Variants in TRNP1 observed in about 807,000 individuals in gnomAD.
TRNP1 encodes TMF-regulated nuclear protein 1.
A neutral mutation model predicts 12.2 loss-of-function variants in TRNP1; 16 were observed. The observed-to-expected ratio is 1.31, with a 90% CI of 0.89 to 1.99. The LOEUF (loss-of-function observed/expected upper bound fraction) is 1.99. TRNP1 is among the 30% of genes most tolerant of loss of function. TRNP1 has a pLI of 0.00. For synonymous variants in TRNP1, 139 were observed against 166.2 expected (o/e 0.84, Z 1.26); for missense variants, 338 against 330.4 (o/e 1.02, Z -0.18).
chr1:26,997,700 TGAG>T (rs1445206483), intron 1 of TRNP1, among the ~76,000 whole-genome samples: 1 of 151,956 alleles, frequency 6.6e-6, no homozygotes, highest in East Asian at 1.9e-4. Context: ...CAAAGGGAAA[TGAG>T]GGGGGAACAG....
intron 1 of TRNP1, among the ~76,000 whole-genome samples, chr1:26,996,865 C>T (rs1381641357): frequency 6.6e-6 from 1 of 152,028 alleles, no homozygotes. Context: ...TCTGCCCCCT[C>T]CCTCCACTTC....
In TRNP1 at chr1:26,994,984, G is replaced by C. The variant is rs530843883; in HGVS notation, c.*142+372G>C. Among the ~76,000 whole-genome samples, 1 of 152,230 alleles carries C rather than the reference G, an allele frequency of 6.6e-6. No individual in the cohort carries two copies. The highest frequency in any genetic ancestry group is 1.5e-5 in the Non-Finnish European group (1 of 68,038). ...GGATGCTGCTTCCTGGCGCCGCCCA[G>C]CTCCGTGCCTTCGGGAGGACAGAAT... On this transcript the variant is annotated intron_variant, in intron 1 of 1. Coordinates refer to ENST00000522111, the MANE Select transcript of TRNP1 (RefSeq NM_001013642.3). The surrounding 1 kb of genome is among the most constrained non-coding windows in gnomAD (Gnocchi z 6.9).
Position 26,994,351 on chromosome 1 carries a change from C to T in TRNP1, c.565C>T (p.Leu189=). 1 of 1,085,680 alleles carries T rather than the reference C, an allele frequency of 9.2e-7. No homozygotes were observed. 67.3% of individuals were successfully genotyped at this position (1,085,680 alleles called of 1,614,324 possible). ...GRPPALLASA[L]GLGGCVPWGA... Reference sequence around the variant, plus strand: ...ACCCCCCGCGCTGCTGGCCTCGGCGCTGGGCCTGGGCGGCTGCGTGCCCTG... The same window carrying T: ...ACCCCCCGCGCTGCTGGCCTCGGCGTTGGGCCTGGGCGGCTGCGTGCCCTG... The change falls in exon 1 of 2, where the codon CTG becomes TTG. Residue 189 remains leucine (L), a synonymous_variant. Coordinates refer to ENST00000522111, the MANE Select transcript of TRNP1 (RefSeq NM_001013642.3). The surrounding 1 kb of genome is among the most constrained non-coding windows in gnomAD (Gnocchi z 6.9).
chr1:26,994,165 G>A lies in TRNP1; in HGVS notation c.379G>A (p.Val127Met), dbSNP rs2082532940. The change falls in exon 1 of 2, where the codon GTG (valine) becomes ATG (methionine). Residue 127 changes from valine to methionine, a missense_variant. By Grantham distance (21) the Val-to-Met change is conservative. Coordinates refer to ENST00000522111, the MANE Select transcript of TRNP1 (RefSeq NM_001013642.3). The surrounding 1 kb of genome is among the most constrained non-coding windows in gnomAD (Gnocchi z 6.9). Reference sequence around the variant, plus strand: ...CCTGGTGTCGGAGCTGGAGAGCCGCGTGCTGCAGCTGCACCGCGTTTTCTT... The same window carrying A: ...CCTGGTGTCGGAGCTGGAGAGCCGCATGCTGCAGCTGCACCGCGTTTTCTT... Reference protein sequence around the residue: ...RRLVSELESRVLQLHRVFLAA... With the variant: ...RRLVSELESRMLQLHRVFLAA... The A allele has an allele frequency of 3.9e-6, 5 of 1,294,440 alleles. No individual in the cohort carries two copies. In the African/African-American group the frequency reaches 7.7e-5, roughly 20 times the overall value. The allele number at this position is 1,294,440 out of a possible 1,614,324, so 80.2% of individuals were successfully genotyped here.
chr1:26,998,188 C>G (rs945450355), intron 1 of TRNP1, among the ~76,000 whole-genome samples: 1 of 151,260 alleles, frequency 6.6e-6, no homozygotes, highest in African/African-American at 2.4e-5. Flanking sequence ...TCGAGACCAT[C>G]GTGACTAACA....
At chr1:26,997,959 G>A (rs576930381) in intron 1 of TRNP1, among the ~76,000 whole-genome samples, 3 of 152,296 alleles carry the variant, frequency 2.0e-5, no homozygotes, top group South Asian at 2.1e-4. Context: ...CTGGGAGAAC[G>A]AGCAGGGTAG....
At chr1:26,997,838 C>G (rs928283859) in intron 1 of TRNP1, among the ~76,000 whole-genome samples, 2 of 152,112 alleles carry the variant, frequency 1.3e-5, no homozygotes, top group African/African-American at 4.8e-5. Flanking sequence ...GCTGCTTTCT[C>G]GAGACGAAGG....
At position 26,994,492 on chromosome 1, in the gene TRNP1, C is replaced by G. The variant is rs2082535483; in HGVS notation, c.*22C>G. ...CTGACCTCCACGCCCGGACCCCTGG[C>G]CACCCCGACAAGCTTCGCCGAGGTG... On this transcript the variant is annotated 3_prime_UTR_variant, in exon 1 of 2. Transcript: ENST00000522111. The surrounding 1 kb of genome is among the most constrained non-coding windows in gnomAD (Gnocchi z 6.9). The G allele has an allele frequency of 8.5e-7, 1 of 1,172,672 alleles. No individual in the cohort carries two copies. Among genetic ancestry groups the G allele is most frequent in the East Asian group, 3.7e-5 (1 of 26,878 alleles). The allele number at this position is 1,172,672 out of a possible 1,614,324, so 72.6% of individuals were successfully genotyped here. A position where few individuals can be genotyped will look rare whatever the true frequency, so the allele number is the denominator to read the frequency against.
Position 26,994,208 on chromosome 1 carries a change from TG to T in TRNP1, c.424del (p.Ala142ArgfsTer7). 1 of 1,284,976 alleles carries T rather than the reference TG, an allele frequency of 7.8e-7. No homozygotes were observed. Among genetic ancestry groups the T allele is most frequent in the South Asian group, 2.1e-5 (1 of 46,858 alleles). The allele number at this position is 1,284,976 out of a possible 1,614,324, so 79.6% of individuals were successfully genotyped here. ...GTTTTCTTGGCGGCCGAGCTGCGCC[TG>T]GCGCACCGCGCGGAGAGCCTGAGCC... ...HRVFLAAELR[L>X]AHRAESLSRL... On this transcript the variant is annotated frameshift_variant, in exon 1 of 2. Transcript: ENST00000522111. LOFTEE classifies it high-confidence loss of function. The surrounding 1 kb of genome is among the most constrained non-coding windows in gnomAD (Gnocchi z 6.9).
chr1:26,997,465 A>T (rs1392290005), intron 1 of TRNP1, among the ~76,000 whole-genome samples: 1 of 152,018 alleles, frequency 6.6e-6, no homozygotes, highest in African/African-American at 2.4e-5. Flanking sequence ...TTTTCCAGGC[A>T]GGCTTTTCTG....
Position 26,993,855 on chromosome 1 carries a change from G to T in TRNP1, c.69G>T (p.Pro23=). The T allele has an allele frequency of 7.4e-7, 1 of 1,356,374 alleles. No individual in the cohort carries two copies. The allele number at this position is 1,356,374 out of a possible 1,614,324, so 84.0% of individuals were successfully genotyped here. ...AGGGGACGGCAGAGCAGAGGTCGCC[G>T]CCGCCGCCCTGGGATCCCATGCCGT... ...AQEGTAEQRS[P]PPPWDPMPSS... is the part of the protein sequence containing the mutation. The change falls in exon 1 of 2, where the codon CCG becomes CCT. Residue 23 remains proline, a synonymous_variant. Transcript: ENST00000522111.
Position 26,993,730 on chromosome 1 carries a change from G to C in TRNP1, c.-57G>C, listed in dbSNP as rs981639732. The C allele has an allele frequency of 1.7e-4, 217 of 1,272,880 alleles. 1 individual carries two copies. The highest frequency in any genetic ancestry group is 2.1e-4 in the Non-Finnish European group (208 of 1,009,816). The allele number at this position is 1,272,880 out of a possible 1,614,324, so 78.8% of individuals were successfully genotyped here. The stretch of plus-strand genomic sequence containing the variant: ...TGGCCGTGTCTAGCTGTTCGGGTGT[G>C]CTGTGGTCATCCTCCCTGCGCACCT... On this transcript the variant is annotated 5_prime_UTR_variant, in exon 1 of 2. Transcript: ENST00000522111.
intron 1 of TRNP1, among the ~76,000 whole-genome samples, chr1:26,999,573 G>A (rs537551467): frequency 2.5e-4 from 38 of 152,210 alleles, no homozygotes; most frequent in Middle Eastern, 6.8e-3. Flanking sequence ...AATGGGCCCT[G>A]GGGAACTCCA....
intron 1 of TRNP1, among the ~76,000 whole-genome samples, chr1:26,997,318 GAAAA>G (rs3028529): frequency 1.1e-4 from 9 of 81,844 alleles, no homozygotes; most frequent in Non-Finnish European, 1.6e-4. Context: ...TGTGTCTCAA[GAAAA>G]AAAAAAAAAA....
In TRNP1 at chr1:26,994,213, C is replaced by T; in HGVS notation, c.427C>T (p.His143Tyr). 7.8e-7 allele frequency: 1 copy of T among 1,281,946 alleles called. No homozygotes were observed. Among genetic ancestry groups the T allele is most frequent in the South Asian group, 2.2e-5 (1 of 46,058 alleles). The allele number at this position is 1,281,946 out of a possible 1,614,324, so 79.4% of individuals were successfully genotyped here. ...CTTGGCGGCCGAGCTGCGCCTGGCG[C>T]ACCGCGCGGAGAGCCTGAGCCGCCT... ...VFLAAELRLA[H>Y]RAESLSRLSG... Residue 143 changes from histidine (H) to tyrosine (Y), a missense_variant, in exon 1 of 2, where the codon CAC (histidine) becomes TAC (tyrosine). His to Tyr is a moderately conservative substitution (Grantham distance 83). Transcript: ENST00000522111. This position sits in a 1 kb window ranked among gnomAD's most constrained non-coding sequence, Gnocchi z 6.9.
chr1:26,993,890 C>A lies in TRNP1; in HGVS notation c.104C>A (p.Pro35His). 1.5e-6 allele frequency: 2 copies of A among 1,374,874 alleles called. No individual in the cohort carries two copies. The highest frequency in any genetic ancestry group is 1.9e-6 in the Non-Finnish European group (2 of 1,070,892). 85.2% of individuals were successfully genotyped at this position (1,374,874 alleles called of 1,614,324 possible). A position where few individuals can be genotyped will look rare whatever the true frequency, so the allele number is the denominator to read the frequency against. Reference sequence around the variant, plus strand: ...TGGGATCCCATGCCGTCCTCTCAGCCCCCGCCCCCAACTCCGACCTTGACT... The same window carrying A: ...TGGGATCCCATGCCGTCCTCTCAGCACCCGCCCCCAACTCCGACCTTGACT... ...PPWDPMPSSQPPPPTPTLTPT... is the reference protein window; with the variant it reads ...PPWDPMPSSQHPPPTPTLTPT... The change falls in exon 1 of 2, where the codon CCC becomes CAC. Residue 35 changes from proline (P) to histidine (H), a missense_variant. Physicochemically the swap from Pro to His is moderately conservative, Grantham distance 77. Transcript: ENST00000522111.
In TRNP1 at chr1:27,000,589, A is replaced by G. The variant is rs1193362380; in HGVS notation, c.*885A>G. 1 of 152,634 alleles carries G rather than the reference A, an allele frequency of 6.6e-6. No individual in the cohort carries two copies. Among genetic ancestry groups the G allele is most frequent in the Non-Finnish European group, 1.5e-5 (1 of 68,038 alleles). The allele number at this position is 152,634 out of a possible 1,614,324, so 9.5% of individuals were successfully genotyped here. The stretch of plus-strand genomic sequence containing the variant: ...AGAACTTGTAGAATTCTGCATAGTG[A>G]ATGTATATTGAATTAGTCTCCTGCC... On this transcript the variant is annotated 3_prime_UTR_variant, in exon 2 of 2. Transcript: ENST00000522111.
chr1:26,994,524 G>T lies in TRNP1; in HGVS notation c.*54G>T. ...GACAAGCTTCGCCGAGGTGCCGACC[G>T]ACCGACTGATCGCGGACGCCGGCTG... On this transcript the variant is annotated 3_prime_UTR_variant, in exon 1 of 2. Coordinates refer to ENST00000522111, the MANE Select transcript of TRNP1 (RefSeq NM_001013642.3). This position sits in a 1 kb window ranked among gnomAD's most constrained non-coding sequence, Gnocchi z 6.9. The T allele has an allele frequency of 1.8e-6, 2 of 1,116,384 alleles. No individual in the cohort carries two copies. The highest frequency in any genetic ancestry group is 8.8e-5 in the South Asian group (2 of 22,826). 69.2% of individuals were successfully genotyped at this position (1,116,384 alleles called of 1,614,324 possible). A position where few individuals can be genotyped will look rare whatever the true frequency, so the allele number is the denominator to read the frequency against.
chr1:26,996,473 G>A, intron 1 of TRNP1, among the ~76,000 whole-genome samples: 1 of 152,166 alleles, frequency 6.6e-6, no homozygotes, highest in South Asian at 2.1e-4. Context: ...AGTAATGAAG[G>A]GGGCAATGCC....
Sources: gnomAD v4.1 joint callset for allele counts (sites outside exome capture counted in the v4.1 genomes callset) on GRCh38, gnomAD v4.1.1 for gene constraint, Gnocchi (gnomAD v3.1) non-coding constraint, MANE v1.5 for transcripts, NCBI Gene and HGNC (gene_info 2026-07-23, HGNC 2026-07-21) for gene names.